OSBPL1A: variants seen among roughly 807,000 people sequenced by gnomAD.
OSBPL1A encodes the protein oxysterol-binding protein-related protein 1.
In OSBPL1A, 80 loss-of-function variants were observed where a neutral mutation model predicts 137.1. The observed-to-expected ratio is 0.58, with a 90% CI of 0.49 to 0.70. The LOEUF (loss-of-function observed/expected upper bound fraction) is 0.70. Ranked by LOEUF, OSBPL1A falls within the 30% of genes least tolerant of loss-of-function variation. The pLI is 0.00. For missense variants in OSBPL1A, 970 were observed against 1,129.4 expected (o/e 0.86, Z 2.02); for synonymous variants, 365 against 389.7 (o/e 0.94, Z 0.75).
intron 13 of OSBPL1A, chr18:24,311,359 G>C (rs4800568): frequency 3.8e-6 from 2 of 527,118 alleles, no homozygotes; most frequent in Non-Finnish European, 2.4e-6. Flanking sequence ...TAATTCTTCC[G>C]AACTCAATTC....
At chr18:24,185,208 G>A (rs539267743) in intron 18 of OSBPL1A, among the ~76,000 whole-genome samples, 3 of 152,238 alleles carry the variant, frequency 2.0e-5, no homozygotes, top group Admixed American at 6.5e-5. Context: ...GAAAACACTC[G>A]GTGTGGTACT....
intron 27 of OSBPL1A, among the ~76,000 whole-genome samples, chr18:24,164,420 G>GTTTTTT (rs35343209): frequency 3.1e-5 from 3 of 95,968 alleles, no homozygotes; most frequent in African/African-American, 9.4e-5. Context: ...GAGATTTTTG[G>GTTTTTT]TTTTTTTTTT....
intron 15 of OSBPL1A, among the ~76,000 whole-genome samples, chr18:24,258,295 A>T (rs1210992744): frequency 6.6e-6 from 1 of 152,220 alleles, no homozygotes. Flanking sequence ...TAAAAAAAAG[A>T]ACAAGATCCT....
In OSBPL1A at chr18:24,265,157, T is replaced by G. The variant is rs372407307; in HGVS notation, c.1281+15685A>C. 5.9e-5 allele frequency among the ~76,000 whole-genome samples: 9 copies of G among 152,144 alleles called. No homozygotes were observed. In the East Asian group the frequency reaches 1.5e-3, roughly 26 times the overall value. ...ACACAAATACCACAAATAAATAAAA[T>G]ATTCAAAATTAAATAAGTTCTAACA... On this transcript the variant is annotated intron_variant, in intron 15 of 27. Coordinates refer to ENST00000319481, the MANE Select transcript of OSBPL1A (RefSeq NM_080597.4).
chr18:24,328,319 C>G (rs1467542589), intron 7 of OSBPL1A, among the ~76,000 whole-genome samples: 2 of 149,612 alleles, frequency 1.3e-5, no homozygotes, highest in African/African-American at 5.0e-5. Flanking sequence ...CTCAGCCTCC[C>G]AAAGTGCTGG....
At chr18:24,209,618 G>C (rs527739802) in intron 17 of OSBPL1A, among the ~76,000 whole-genome samples, 1 of 151,966 alleles carries the variant, frequency 6.6e-6, no homozygotes, top group African/African-American at 2.4e-5. Context: ...ACTCCAAACT[G>C]GAAAAAAAAC....
chr18:24,289,145 AGGG>A (rs2090127468), intron 14 of OSBPL1A, among the ~76,000 whole-genome samples: 1 of 152,186 alleles, frequency 6.6e-6, no homozygotes, highest in Non-Finnish European at 1.5e-5. Context: ...ACAGCAAAAA[AGGG>A]GGATTTCTTT....
At chr18:24,184,775 C>A (rs2086699766) in intron 18 of OSBPL1A, among the ~76,000 whole-genome samples, 1 of 152,020 alleles carries the variant, frequency 6.6e-6, no homozygotes, top group South Asian at 2.1e-4. Flanking sequence ...CCAGATGCAC[C>A]CTGCATTCTC....
intron 14 of OSBPL1A, among the ~76,000 whole-genome samples, chr18:24,300,269 A>C (rs1307247588): frequency 1.3e-5 from 2 of 152,218 alleles, no homozygotes; most frequent in African/African-American, 4.8e-5. Context: ...ACGTTTGGTC[A>C]AGGGTGTTTC....
At chr18:24,228,589 G>A (rs1229281704) in intron 16 of OSBPL1A, among the ~76,000 whole-genome samples, 2 of 152,268 alleles carry the variant, frequency 1.3e-5, no homozygotes, top group East Asian at 3.9e-4. Flanking sequence ...GTGAACAAAC[G>A]AGTTCAGTAG....
intron 17 of OSBPL1A, among the ~76,000 whole-genome samples, chr18:24,206,798 C>T (rs1394104998): frequency 2.6e-5 from 4 of 152,146 alleles, no homozygotes; most frequent in Admixed American, 6.5e-5. Context: ...TGGCTAGTTC[C>T]GTGCTCAGCT....
At chr18:24,296,071 T>C (rs1227182211) in intron 14 of OSBPL1A, among the ~76,000 whole-genome samples, 1 of 152,214 alleles carries the variant, frequency 6.6e-6, no homozygotes, top group Non-Finnish European at 1.5e-5. Context: ...GGGAATTGCA[T>C]TGCATCTGTA....
intron 11 of OSBPL1A, among the ~76,000 whole-genome samples, chr18:24,314,910 A>G (rs1417505623): frequency 1.3e-5 from 2 of 152,208 alleles, no homozygotes; most frequent in Non-Finnish European, 2.9e-5. Flanking sequence ...AGTAGGATAT[A>G]AATAACTCCC....
intron 13 of OSBPL1A, among the ~76,000 whole-genome samples, chr18:24,309,946 C>G (rs12954279): frequency 0.11 from 17,304 of 150,516 alleles, 1,152 homozygotes; most frequent in South Asian, 0.16. Flanking sequence ...ACTCAGGAGG[C>G]TGAGGCGAGA....
chr18:24,351,397 C>G (rs2091439274), intron 4 of OSBPL1A, among the ~76,000 whole-genome samples: 1 of 140,652 alleles, frequency 7.1e-6, no homozygotes, highest in Non-Finnish European at 1.5e-5. Context: ...AGAGCTGCTC[C>G]CAGAAGGGAT....
Position 24,271,559 on chromosome 18 carries a change from C to T in OSBPL1A, c.1281+9283G>A, listed in dbSNP as rs1365087134. ...TGGCCGCCCTCCCCGCTCCGTCCCC[C>T]GGCGTCCTCCGTGGCCCCAGGCTGC... On this transcript the variant is annotated intron_variant, in intron 15 of 27. Coordinates refer to ENST00000319481, the MANE Select transcript of OSBPL1A (RefSeq NM_080597.4). This position sits in a 1 kb window ranked among gnomAD's most constrained non-coding sequence, Gnocchi z 4.0. 5.1e-6 allele frequency: 5 copies of T among 987,128 alleles called. No individual in the cohort carries two copies. The highest frequency in any genetic ancestry group is 6.0e-6 in the Non-Finnish European group (5 of 831,408). 61.1% of individuals were successfully genotyped at this position (987,128 alleles called of 1,614,324 possible). A position where few individuals can be genotyped will look rare whatever the true frequency, so the allele number is the denominator to read the frequency against.
intron 18 of OSBPL1A, among the ~76,000 whole-genome samples, chr18:24,181,570 C>A (rs74377738): frequency 0.016 from 2,468 of 152,284 alleles, 63 homozygotes; most frequent in African/African-American, 0.057. Flanking sequence ...CATCAGTCTG[C>A]CTTACATCAG....
intron 15 of OSBPL1A, among the ~76,000 whole-genome samples, chr18:24,244,808 T>A (rs2088833352): frequency 6.6e-6 from 1 of 152,222 alleles, no homozygotes; most frequent in African/African-American, 2.4e-5. Flanking sequence ...ACCTACGCTC[T>A]CATTCTAGAA....
intron 13 of OSBPL1A, 47 bp downstream of exon 13, chr18:24,311,937 T>G: frequency 6.2e-7 from 1 of 1,608,014 alleles, no homozygotes; most frequent in East Asian, 2.2e-5. Flanking sequence ...TGATTAAACC[T>G]CATGACATAG....
Sources: gnomAD v4.1 joint callset for allele counts (sites outside exome capture counted in the v4.1 genomes callset) on GRCh38, gnomAD v4.1.1 for gene constraint, Gnocchi (gnomAD v3.1) non-coding constraint, MANE v1.5 for transcripts, NCBI Gene and HGNC (gene_info 2026-07-23, HGNC 2026-07-21) for gene names.